Variants in PAX5 observed in about 807,000 individuals in gnomAD.
The protein encoded by PAX5 is paired box 5, also known as paired box protein Pax-5.
A neutral mutation model predicts 43.7 loss-of-function variants in PAX5; 9 were observed. The ratio of observed to expected loss-of-function variants is 0.21; its 90% CI spans 0.12 to 0.36. The LOEUF (loss-of-function observed/expected upper bound fraction) is 0.36. Among genes scored for constraint, PAX5 ranks in the 10% least tolerant of loss-of-function variants. PAX5 has a pLI of 1.00. For synonymous variants in PAX5, 228 were observed against 214.3 expected, an observed-to-expected ratio of 1.06 and a Z score of -0.56; for missense variants, 383 against 532.7, an observed-to-expected ratio of 0.72 and a Z score of 2.77.
At chr9:36,876,229 C>G (rs1191698902) in intron 8 of PAX5, among the ~76,000 whole-genome samples, 1 of 152,240 alleles carries the variant, frequency 6.6e-6, no homozygotes, top group African/African-American at 2.4e-5. Flanking sequence ...CTCAGGCCCC[C>G]ACTCCACACT....
Position 36,992,053 on chromosome 9 carries a change from C to T in PAX5, c.604+10595G>A, listed in dbSNP as rs535629168. 2.6e-5 allele frequency among the ~76,000 whole-genome samples: 4 copies of T among 152,210 alleles called. No homozygotes were observed. The East Asian group carries it at 7.7e-4, about 29-fold the overall frequency. On this transcript the variant is annotated intron_variant, in intron 5 of 9. Transcript: ENST00000358127. ...GGACTAACACAAATGTTAATTTGTA[C>T]TAATAAAAATGAAAACTAGAAATTT...
intron 5 of PAX5, among the ~76,000 whole-genome samples, chr9:36,972,550 G>C (rs1005374791): frequency 4.6e-5 from 7 of 152,130 alleles, no homozygotes; most frequent in Non-Finnish European, 2.9e-5. Context: ...GGACTCCCTG[G>C]CTATGATCCA....
At chr9:36,910,823 T>TC (rs1829214328) in intron 7 of PAX5, among the ~76,000 whole-genome samples, 1 of 152,180 alleles carries the variant, frequency 6.6e-6, no homozygotes, top group African/African-American at 2.4e-5. Flanking sequence ...CCGCCGGACC[T>TC]CTATGCTTTC....
chr9:36,918,097 C>T (rs1443540161), intron 7 of PAX5, among the ~76,000 whole-genome samples: 1 of 152,102 alleles, frequency 6.6e-6, no homozygotes, highest in Non-Finnish European at 1.5e-5. Context: ...GAAATTAGGC[C>T]AATCAATAAC....
At chr9:36,978,936 C>T (rs1166569311) in intron 5 of PAX5, among the ~76,000 whole-genome samples, 1 of 152,158 alleles carries the variant, frequency 6.6e-6, no homozygotes, top group Non-Finnish European at 1.5e-5. Flanking sequence ...ATATGATCTT[C>T]AACCTCTATT....
At chr9:36,924,659 G>T (rs576791879) in intron 6 of PAX5, among the ~76,000 whole-genome samples, 1 of 150,140 alleles carries the variant, frequency 6.7e-6, no homozygotes, top group Non-Finnish European at 1.5e-5. Flanking sequence ...GATCGAGGCT[G>T]CAGTGAGCCA....
intron 3 of PAX5, 34 bp from the exon 4 acceptor site, chr9:37,006,571 C>T (rs1424838933): frequency 6.3e-7 from 1 of 1,579,318 alleles, no homozygotes; most frequent in South Asian, 1.1e-5. Context: ...TTGCTATTTA[C>T]CATCAGGAAG....
intron 8 of PAX5, among the ~76,000 whole-genome samples, chr9:36,850,031 A>C (rs1822998538): frequency 2.0e-5 from 3 of 152,186 alleles, no homozygotes; most frequent in Admixed American, 1.3e-4. Flanking sequence ...TGGGAGTGGA[A>C]GCGACCACGT....
intron 6 of PAX5, among the ~76,000 whole-genome samples, chr9:36,963,200 T>C (rs1212556096): frequency 6.6e-6 from 1 of 152,250 alleles, no homozygotes; most frequent in Non-Finnish European, 1.5e-5. Flanking sequence ...GTCATTATCC[T>C]GCCACACAGT....
In PAX5 at chr9:36,882,960, G is replaced by A. The variant is rs1563928600; in HGVS notation, c.911-855C>T. Among the ~76,000 whole-genome samples, 1 of 152,234 alleles carries A rather than the reference G, an allele frequency of 6.6e-6. No individual in the cohort carries two copies. Among genetic ancestry groups the A allele is most frequent in the Non-Finnish European group, 1.5e-5 (1 of 68,042 alleles). The stretch of plus-strand genomic sequence containing the variant: ...AGTTTTGATGGGTGTGCATGTTGGG[G>A]TAGAGGCCAGGACCACATAAGGGGT... On this transcript the variant is annotated intron_variant, in intron 7 of 9. Coordinates refer to ENST00000358127, the MANE Select transcript of PAX5 (RefSeq NM_016734.3). This position sits in a 1 kb window ranked among gnomAD's most constrained non-coding sequence, Gnocchi z 4.4.
intron 8 of PAX5, among the ~76,000 whole-genome samples, chr9:36,852,777 T>C (rs914498485): frequency 6.6e-6 from 1 of 152,110 alleles, no homozygotes; most frequent in Admixed American, 6.5e-5. Flanking sequence ...TCACAGATGA[T>C]CAGGCCTGGG....
At chr9:36,886,521 C>T (rs1337772830) in intron 7 of PAX5, among the ~76,000 whole-genome samples, 1 of 152,156 alleles carries the variant, frequency 6.6e-6, no homozygotes, top group Non-Finnish European at 1.5e-5. Context: ...ATGTCTTAGG[C>T]ATGTCGCCAG....
At chr9:37,026,484 A>C (rs1286080300) in intron 1 of PAX5, 1 of 1,305,814 alleles carries the variant, frequency 7.7e-7, no homozygotes, top group Non-Finnish European at 1.0e-6. Context: ...GGCACCCCCA[A>C]CCCGGTCCCG....
At chr9:37,013,789 G>T (rs1307206033) in intron 3 of PAX5, among the ~76,000 whole-genome samples, 1 of 152,162 alleles carries the variant, frequency 6.6e-6, no homozygotes, top group Non-Finnish European at 1.5e-5. Flanking sequence ...CATGATGTCA[G>T]GGCCTCTGTC....
intron 6 of PAX5, among the ~76,000 whole-genome samples, chr9:36,933,328 T>C (rs542281161): frequency 6.6e-6 from 1 of 152,302 alleles, no homozygotes; most frequent in Admixed American, 6.5e-5. Flanking sequence ...TCTCGCCTCC[T>C]CTTCCTGGTG....
chr9:36,860,390 A>G (rs769138271), intron 8 of PAX5, among the ~76,000 whole-genome samples: 4 of 151,572 alleles, frequency 2.6e-5, no homozygotes, highest in African/African-American at 4.9e-5. Flanking sequence ...ACCAGGCCAT[A>G]TCTCATACTA....
chr9:36,875,079 T>C (rs1267882949), intron 8 of PAX5, among the ~76,000 whole-genome samples: 1 of 151,554 alleles, frequency 6.6e-6, no homozygotes, highest in Non-Finnish European at 1.5e-5. Context: ...AACCAGGGAG[T>C]CTGGCTCAGG....
intron 6 of PAX5, among the ~76,000 whole-genome samples, chr9:36,947,860 C>T (rs1335447024): frequency 6.6e-6 from 1 of 151,784 alleles, no homozygotes; most frequent in Non-Finnish European, 1.5e-5. Context: ...TTCTCTTCTT[C>T]CTCTTTCCAC....
At chr9:36,864,660 C>T (rs925962042) in intron 8 of PAX5, among the ~76,000 whole-genome samples, 4 of 152,350 alleles carry the variant, frequency 2.6e-5, no homozygotes, top group East Asian at 1.9e-4. Context: ...CTCAGCCCAC[C>T]GGCCTGCCTG....
Sources: allele counts gnomAD v4.1 joint callset (sites outside exome capture counted in the v4.1 genomes callset), GRCh38; gene constraint gnomAD v4.1.1; non-coding constraint Gnocchi (gnomAD v3.1); transcripts MANE v1.5; gene names NCBI Gene and HGNC (gene_info 2026-07-23, HGNC 2026-07-21).